The following PIGA variants were observed in gnomAD, a reference collection of about 807,000 sequenced individuals.
PIGA encodes phosphatidylinositol glycan anchor biosynthesis class A.
PIGA carries 3 observed loss-of-function variants against 17.1 expected under a neutral mutation model. The ratio of observed to expected loss-of-function variants is 0.18; its 90% confidence interval spans 0.08 to 0.45. The LOEUF (loss-of-function observed/expected upper bound fraction) is 0.45, where lower values mean the gene tolerates loss of function less well. Among genes scored for constraint, PIGA ranks in the 20% least tolerant of loss-of-function variants. The pLI, the probability that PIGA is intolerant of heterozygous loss-of-function variation, is 0.99. For missense variants in PIGA, 231 were observed against 374.1 expected (o/e 0.62, Z 3.16); for synonymous variants, 126 against 135.1 (o/e 0.93, Z 0.47).
rs958536846 is a variant in PIGA at position 15,320,810 on chromosome X, A to T, written c.*696T>A. On this transcript the variant is annotated 3_prime_UTR_variant, in exon 6 of 6. Coordinates refer to ENST00000333590, the MANE Select transcript of PIGA (RefSeq NM_002641.4). ...ATTAACTGGCATGAGCATTTTTGGCATGTTGGATATTGATCTCATATCAAC... is the reference window on the plus strand; with the variant it reads ...ATTAACTGGCATGAGCATTTTTGGCTTGTTGGATATTGATCTCATATCAAC... 8.9e-6 allele frequency: 1 copy of T among 111,835 alleles called. No homozygotes were observed. The highest frequency in any genetic ancestry group is 3.3e-5 in the African/African-American group (1 of 30,737). 9.2% of individuals were successfully genotyped at this position (111,835 alleles called of 1,213,427 possible).
At chrX:15,328,970 T>C (rs1922068932) in intron 2 of PIGA, 1 of 112,609 alleles carries the variant, frequency 8.9e-6, no homozygotes, top group Non-Finnish European at 1.9e-5. Context: ...TCGGTTCACA[T>C]GTTCCTGATT....
chrX:15,333,708 A>C, intron 1 of PIGA, among the ~76,000 whole-genome samples: 1 of 111,530 alleles, frequency 9.0e-6, no homozygotes, highest in Non-Finnish European at 1.9e-5. Context: ...CAAAAACAAA[A>C]AACAGAAACA....
chrX:15,335,214 C>T, intron 1 of PIGA: 1 of 283,771 alleles, frequency 3.5e-6, no homozygotes, highest in East Asian at 5.0e-5. Flanking sequence ...GATGGCCAGG[C>T]CCAAAGAGAG....
At position 15,331,950 on chromosome X, in the gene PIGA, C is replaced by T; in HGVS notation, c.-20G>A. On this transcript the variant is annotated 5_prime_UTR_variant, in exon 2 of 6. Coordinates refer to ENST00000333590, the MANE Select transcript of PIGA (RefSeq NM_002641.4). ...GGCCATGCTGAGACGGTTTAGACAT[C>T]AGTTCTTAGAGCAACCCAGTTAAGA... is the stretch of plus-strand genomic sequence containing the variant. The T allele has an allele frequency of 2.5e-6, 3 of 1,179,119 alleles. No homozygotes were observed. Among genetic ancestry groups the T allele is most frequent in the Non-Finnish European group, 3.4e-6 (3 of 878,250 alleles).
rs758277994 is a variant in PIGA at position 15,322,222 on chromosome X, G to A, written c.1189-450C>T. ...TTGACTAAGCTGAGATGCTCTCACC[G>A]GCATCTGGCAGACATCAACCACAAG... On this transcript the variant is annotated intron_variant, in intron 5 of 5. Transcript: ENST00000333590. Among the ~76,000 whole-genome samples the A allele has an allele frequency of 4.5e-5, 5 of 111,428 alleles. No individual in the cohort carries two copies. The South Asian group carries it at 1.5e-3, about 34-fold the overall frequency.
At chrX:15,324,005 T>G (rs1921894515) in intron 5 of PIGA, among the ~76,000 whole-genome samples, 1 of 112,169 alleles carries the variant, frequency 8.9e-6, no homozygotes, top group African/African-American at 3.2e-5. Flanking sequence ...AGTCCCTAAT[T>G]CAAATTCAGG....
At chrX:15,322,082 G>C (rs1028188329) in intron 5 of PIGA, among the ~76,000 whole-genome samples, 5 of 111,571 alleles carry the variant, frequency 4.5e-5, no homozygotes, top group African/African-American at 1.6e-4. Context: ...CCAACTACTA[G>C]AATTCCAAAG....
chrX:15,323,634 T>C (rs1921882540), intron 5 of PIGA, among the ~76,000 whole-genome samples: 1 of 111,926 alleles, frequency 8.9e-6, no homozygotes, highest in Non-Finnish European at 1.9e-5. Context: ...CAATGGAAAA[T>C]GTATAAGACA....
At chrX:15,326,585 C>T (rs1921978923) in intron 2 of PIGA, among the ~76,000 whole-genome samples, 1 of 112,237 alleles carries the variant, frequency 8.9e-6, no homozygotes, top group Admixed American at 9.5e-5. Context: ...GGCTAAGCAA[C>T]GAAATCTAAC....
At chrX:15,325,845 C>T in intron 3 of PIGA, 69 bp downstream of exon 3, 2 of 859,122 alleles carry the variant, frequency 2.3e-6, no homozygotes, top group Non-Finnish European at 1.6e-6. Context: ...CTAAGGTACG[C>T]ATGCAGTTAA....
chrX:15,334,269 C>A (rs1461701088), intron 1 of PIGA, among the ~76,000 whole-genome samples: 1 of 103,175 alleles, frequency 9.7e-6, no homozygotes, highest in Non-Finnish European at 1.9e-5. Context: ...CGTCTCACTG[C>A]AGCCTCTGCC....
At chrX:15,326,339 T>C (rs1372887348) in intron 2 of PIGA, 4 of 138,691 alleles carry the variant, frequency 2.9e-5, no homozygotes, top group African/African-American at 1.2e-4. Flanking sequence ...CACTTGTGTT[T>C]ATACATTGCG....
rs3434 is a variant in PIGA, at chrX:15,319,492, T to G, written c.*2014A>C. 1.8e-5 allele frequency: 2 copies of G among 111,187 alleles called. No individual in the cohort carries two copies. Among genetic ancestry groups the G allele is most frequent in the African/African-American group, 6.5e-5 (2 of 30,682 alleles). 9.2% of individuals were successfully genotyped at this position (111,187 alleles called of 1,213,427 possible). On this transcript the variant is annotated 3_prime_UTR_variant, in exon 6 of 6. Transcript: ENST00000333590. The stretch of plus-strand genomic sequence containing the variant: ...TCATTCTGGTCTTTATTTTTGGACA[T>G]GTAGCATGTTTTAACAAATCAGTTT...
At chrX:15,334,378 C>CG (rs1412011901) in intron 1 of PIGA, among the ~76,000 whole-genome samples, 1 of 109,184 alleles carries the variant, frequency 9.2e-6, no homozygotes, top group Admixed American at 9.7e-5. Flanking sequence ...TTAGTAGAGA[C>CG]GGGGTTTCAT....
chrX:15,327,123 G>A (rs1921999583), intron 2 of PIGA: 1 of 109,707 alleles, frequency 9.1e-6, no homozygotes, highest in Admixed American at 9.6e-5. Flanking sequence ...GCCGGGCGTA[G>A]TGGCGGGCGC....
intron 2 of PIGA, among the ~76,000 whole-genome samples, chrX:15,329,630 T>A (rs1922090563): frequency 9.0e-6 from 1 of 111,665 alleles, no homozygotes; most frequent in Non-Finnish European, 1.9e-5. Context: ...GTATTTTTTT[T>A]AATGATTCCC....
intron 5 of PIGA, among the ~76,000 whole-genome samples, 177 bp downstream of exon 5, chrX:15,324,488 T>G (rs1710819862): frequency 8.9e-6 from 1 of 112,505 alleles, no homozygotes; most frequent in African/African-American, 3.2e-5. Context: ...CGCAATAATT[T>G]GACCAGACAC....
intron 5 of PIGA, 74 bp from the exon 6 acceptor site, chrX:15,321,846 C>T (rs1218441732): frequency 4.2e-6 from 4 of 949,881 alleles, no homozygotes; most frequent in Non-Finnish European, 5.9e-6. Flanking sequence ...AACAATGACC[C>T]GATCCTGCAG....
Position 15,321,464 on chromosome X carries a change from A to G in PIGA, c.*42T>C. The stretch of plus-strand genomic sequence containing the variant: ...AGGTTATTTTCCATAGTCTTTATAG[A>G]ACTATTACAAATGTTTAAAATCTTA... On this transcript the variant is annotated 3_prime_UTR_variant, in exon 6 of 6. Coordinates refer to ENST00000333590, the MANE Select transcript of PIGA (RefSeq NM_002641.4). The G allele has an allele frequency of 8.9e-7, 1 of 1,118,367 alleles. No individual in the cohort carries two copies. Among genetic ancestry groups the G allele is most frequent in the Non-Finnish European group, 1.2e-6 (1 of 818,882 alleles). 92.2% of individuals were successfully genotyped at this position (1,118,367 alleles called of 1,213,427 possible). A position where few individuals can be genotyped will look rare whatever the true frequency, so the allele number is the denominator to read the frequency against.
Sources: gnomAD v4.1 joint callset for allele counts (sites outside exome capture counted in the v4.1 genomes callset) on GRCh38, gnomAD v4.1.1 for gene constraint, MANE v1.5 for transcripts, NCBI Gene and HGNC (gene_info 2026-07-23, HGNC 2026-07-21) for gene names.